SCMH1: variants seen among roughly 807,000 people sequenced by gnomAD.
SCMH1 encodes Scm polycomb group protein homolog 1.
SCMH1 carries 37 observed loss-of-function variants against 70.8 expected under a neutral mutation model. The ratio of observed to expected loss-of-function variants is 0.52; its 90% CI spans 0.40 to 0.69. SCMH1 has a LOEUF of 0.69. Ranked by LOEUF, SCMH1 falls within the 30% of genes least tolerant of loss-of-function variation. The probability of loss-of-function intolerance (pLI) is 0.00; values close to 1 mark genes in which losing one functional copy is unlikely to be tolerated. For missense variants in SCMH1, 607 were observed against 827.3 expected (o/e 0.73, Z 3.27); for synonymous variants, 292 against 307.4 (o/e 0.95, Z 0.52).
chr1:41,150,393 C>T (rs879780720), intron 5 of SCMH1, among the ~76,000 whole-genome samples: 1 of 152,076 alleles, frequency 6.6e-6, no homozygotes, highest in Non-Finnish European at 1.5e-5. Context: ...GTCCCAGCTA[C>T]TCGGGAGGCT....
intron 8 of SCMH1, among the ~76,000 whole-genome samples, chr1:41,089,787 C>CTTTTTTTTCTT (rs1662813911): frequency 1.7e-5 from 1 of 58,756 alleles, no homozygotes; most frequent in Non-Finnish European, 2.9e-5. Context: ...CATGTTGTCT[C>CTTTTTTTTCTT]TTTTTTTTTT....
At chr1:41,114,060 T>C (rs1282384864) in intron 7 of SCMH1, among the ~76,000 whole-genome samples, 1 of 152,228 alleles carries the variant, frequency 6.6e-6, no homozygotes, top group East Asian at 1.9e-4. Flanking sequence ...CATTCTCCTT[T>C]GGACACTTAA....
At chr1:41,214,347 T>C (rs1337695461) in intron 1 of SCMH1, among the ~76,000 whole-genome samples, 3 of 152,160 alleles carry the variant, frequency 2.0e-5, no homozygotes, top group Non-Finnish European at 4.4e-5. Context: ...TATAACAATA[T>C]ACAATAATTA....
intron 8 of SCMH1, among the ~76,000 whole-genome samples, chr1:41,099,786 T>C (rs761797065): frequency 1.3e-5 from 2 of 152,216 alleles, no homozygotes; most frequent in Non-Finnish European, 2.9e-5. Context: ...GCAAATACTA[T>C]AAATCCCACT....
Position 41,151,258 on chromosome 1 carries a change from G to A in SCMH1, c.177+356C>T, listed in dbSNP as rs1033025251. Among the ~76,000 whole-genome samples the A allele has an allele frequency of 2.6e-5, 4 of 152,196 alleles. No homozygotes were observed. In the South Asian group the frequency reaches 8.3e-4, roughly 31 times the overall value. On this transcript the variant is annotated intron_variant, in intron 5 of 14. Transcript: ENST00000337495. The stretch of plus-strand genomic sequence containing the variant: ...GATAAGATTGTGACAGGAGTGCTGA[G>A]TACAGAGAAAGAAATACTGCTCCAT...
chr1:41,142,830 GCTAA>G (rs1391110911), intron 6 of SCMH1, 44 bp downstream of exon 6: 1 of 1,494,912 alleles, frequency 6.7e-7, no homozygotes, highest in Non-Finnish European at 9.3e-7. Context: ...GTTTTTGGAC[GCTAA>G]CTATTAATAA....
chr1:41,050,311 G>A (rs1647619790), intron 10 of SCMH1, among the ~76,000 whole-genome samples: 1 of 152,146 alleles, frequency 6.6e-6, no homozygotes, highest in Admixed American at 6.5e-5. Flanking sequence ...TGTGGTTGTG[G>A]CTCACTAGCT....
chr1:41,215,039 T>C (rs955830872), intron 1 of SCMH1, among the ~76,000 whole-genome samples: 2 of 152,282 alleles, frequency 1.3e-5, no homozygotes, highest in East Asian at 1.9e-4. Context: ...TCCATGTGTA[T>C]GTTATTTTTT....
chr1:41,090,144 T>C (rs1180347844), intron 8 of SCMH1, among the ~76,000 whole-genome samples: 1 of 152,126 alleles, frequency 6.6e-6, no homozygotes, highest in African/African-American at 2.4e-5. Context: ...CAAGACCGCT[T>C]TACACTCTTA....
intron 1 of SCMH1, among the ~76,000 whole-genome samples, chr1:41,217,745 G>C (rs1388785493): frequency 1.3e-5 from 2 of 152,178 alleles, no homozygotes; most frequent in Admixed American, 6.5e-5. Context: ...GCCACAGATG[G>C]AGAGGTCTGG....
At position 41,200,791 on chromosome 1, in the gene SCMH1, C is replaced by T. The variant is rs947257318; in HGVS notation, c.-117-14541G>A. Among the ~76,000 whole-genome samples, 3 of 152,256 alleles carry T rather than the reference C, an allele frequency of 2.0e-5. No homozygotes were observed. In the East Asian group the frequency reaches 5.8e-4, roughly 29 times the overall value. ...AGAATGGCTTTTTCTCTAAGGTTTT[C>T]TGGAGTGAAGATTTGAATGCATGTC... On this transcript the variant is annotated intron_variant, in intron 1 of 14. Transcript: ENST00000337495.
intron 8 of SCMH1, among the ~76,000 whole-genome samples, chr1:41,076,455 C>G (rs541083880): frequency 6.6e-6 from 1 of 152,288 alleles, no homozygotes; most frequent in African/African-American, 2.4e-5. Context: ...CTGTACTAAG[C>G]TCTGGGGATA....
At position 41,074,757 on chromosome 1, in the gene SCMH1, A is replaced by T. The variant is rs1242368617; in HGVS notation, c.978+462T>A. ...ACCAACTCTCAGGTAAGTAGCAAGT[A>T]GGGATGACGGTCTAGGAAATTCCTC... On this transcript the variant is annotated intron_variant, in intron 9 of 14. Transcript: ENST00000337495. 3.9e-5 allele frequency among the ~76,000 whole-genome samples: 6 copies of T among 152,344 alleles called. No homozygotes were observed. The East Asian group carries it at 7.7e-4, about 20-fold the overall frequency.
intron 8 of SCMH1, among the ~76,000 whole-genome samples, chr1:41,101,085 CAAAAA>C (rs1011461778): frequency 6.0e-5 from 9 of 150,408 alleles, no homozygotes; most frequent in African/African-American, 2.2e-4. Context: ...TATACAATCT[CAAAAA>C]TAGCGGGGAA....
At chr1:41,231,013 G>A (rs1661198133) in intron 1 of SCMH1, among the ~76,000 whole-genome samples, 2 of 152,174 alleles carry the variant, frequency 1.3e-5, no homozygotes, top group African/African-American at 4.8e-5. Flanking sequence ...ACAAATGATA[G>A]TCCCTAAAAC....
intron 6 of SCMH1, among the ~76,000 whole-genome samples, chr1:41,129,394 C>G (rs1674043492): frequency 6.6e-6 from 1 of 152,070 alleles, no homozygotes; most frequent in African/African-American, 2.4e-5. Context: ...TACTATTGTA[C>G]TTTCTGTCTC....
At chr1:41,037,612 G>T in intron 12 of SCMH1, 71 bp from the exon 13 acceptor site, 2 of 1,374,280 alleles carry the variant, frequency 1.5e-6, no homozygotes, top group Non-Finnish European at 2.0e-6. Context: ...ATACCTGTTT[G>T]AGTGGAGCAA....
intron 8 of SCMH1, among the ~76,000 whole-genome samples, chr1:41,083,321 T>C (rs184120838): frequency 6.6e-6 from 1 of 152,294 alleles, no homozygotes; most frequent in African/African-American, 2.4e-5. Flanking sequence ...AACATTCTTA[T>C]AAACCAGTAT....
chr1:41,100,978 G>A (rs970317400), intron 8 of SCMH1, among the ~76,000 whole-genome samples: 12 of 150,980 alleles, frequency 7.9e-5, no homozygotes, highest in African/African-American at 2.9e-4. Flanking sequence ...AATGGATCAA[G>A]AAAAGAAAAC....
Sources: gnomAD v4.1 joint callset for allele counts (sites outside exome capture counted in the v4.1 genomes callset) on GRCh38, gnomAD v4.1.1 for gene constraint, MANE v1.5 for transcripts, NCBI Gene and HGNC (gene_info 2026-07-23, HGNC 2026-07-21) for gene names.